Variants in FHIP1B observed in about 807,000 individuals in gnomAD.
FHIP1B encodes FHF complex subunit HOOK interacting protein 1B.
In FHIP1B, 28 loss-of-function variants were observed where a neutral mutation model predicts 82.2. The observed-to-expected ratio is 0.34, with a 90% confidence interval of 0.25 to 0.47. The LOEUF (loss-of-function observed/expected upper bound fraction) is 0.47. Among genes scored for constraint, FHIP1B ranks in the 20% least tolerant of loss-of-function variants. The pLI, the probability that FHIP1B is intolerant of heterozygous loss-of-function variation, is 1.00. For missense variants in FHIP1B, 1,110 were observed against 1,262.6 expected (o/e 0.88, Z 1.83); for synonymous variants, 585 against 516.1 (o/e 1.13, Z -1.81).
In FHIP1B at chr11:6,222,453, T is replaced by C; in HGVS notation, c.1180A>G (p.Ser394Gly). Residue 394 changes from serine to glycine, a missense_variant, in exon 6 of 12, where the codon AGT becomes GGT. Coordinates refer to ENST00000449352, the MANE Select transcript of FHIP1B (RefSeq NM_001098794.2). ...GGTAAGGGCCATACCCGGGAGTTAC[T>C]GCCAATACGAGCAACGAGGGTGTCG... ...ILDTLVARIG[S>G]NSRLCMVSLS... The C allele has an allele frequency of 6.2e-7, 1 of 1,613,882 alleles. No individual in the cohort carries two copies. The highest frequency in any genetic ancestry group is 8.5e-7 in the Non-Finnish European group (1 of 1,180,008).
intron 6 of FHIP1B, among the ~76,000 whole-genome samples, chr11:6,220,935 T>C (rs1847388514): frequency 6.6e-6 from 1 of 152,226 alleles, no homozygotes; most frequent in African/African-American, 2.4e-5. Flanking sequence ...AAATTAAAGC[T>C]TTAATACCTA....
chr11:6,223,607 A>G lies in FHIP1B; in HGVS notation c.777+3T>C, dbSNP rs903643408. On this transcript the variant is annotated splice_donor_region_variant and intron_variant, in intron 3 of 11. Coordinates refer to ENST00000449352, the MANE Select transcript of FHIP1B (RefSeq NM_001098794.2). This position sits in a 1 kb window ranked among gnomAD's most constrained non-coding sequence, Gnocchi z 4.8. Reference sequence around the variant, plus strand: ...CCTACCCTCCAAGCCAGGGGGTGCTAACCGGGCAGAAGTAAGAGTGATCCG... The same window carrying G: ...CCTACCCTCCAAGCCAGGGGGTGCTGACCGGGCAGAAGTAAGAGTGATCCG... 2 of 1,574,950 alleles carry G rather than the reference A, an allele frequency of 1.3e-6. No individual in the cohort carries two copies. The highest frequency in any genetic ancestry group is 1.7e-6 in the Non-Finnish European group (2 of 1,159,444).
intron 5 of FHIP1B, 87 bp downstream of exon 5, chr11:6,222,724 C>G (rs1847447071): frequency 6.5e-7 from 1 of 1,548,838 alleles, no homozygotes; most frequent in Admixed American, 1.7e-5. Context: ...GAGGAGTACT[C>G]TACCCACCGC....
At chr11:6,216,351 C>A (rs1399239803) in intron 9 of FHIP1B, among the ~76,000 whole-genome samples, 4 of 152,204 alleles carry the variant, frequency 2.6e-5, no homozygotes, top group Non-Finnish European at 5.9e-5. Flanking sequence ...TTGCCTTAGT[C>A]AACTTAAATC....
intron 1 of FHIP1B, among the ~76,000 whole-genome samples, chr11:6,227,123 A>G (rs2133836535): frequency 6.6e-6 from 1 of 152,376 alleles, no homozygotes; most frequent in Admixed American, 6.5e-5. Context: ...GTGCAAACAT[A>G]CAGCCTGAAC....
chr11:6,215,585 A>G (rs890776392), intron 9 of FHIP1B, among the ~76,000 whole-genome samples: 4 of 152,260 alleles, frequency 2.6e-5, no homozygotes, highest in Non-Finnish European at 4.4e-5. Flanking sequence ...ACCAGAGAAG[A>G]CATCAGTTTT....
At chr11:6,216,846 T>C (rs546768851) in intron 9 of FHIP1B, 70 of 575,542 alleles carry the variant, frequency 1.2e-4, no homozygotes, top group Non-Finnish European at 1.9e-4. Context: ...AAGTCCTTCT[T>C]TGAAGAGGTG....
rs747133289 is a variant in FHIP1B at position 6,223,068 on chromosome 11, T to C, written c.936+12A>G. On this transcript the variant is annotated intron_variant, in intron 4 of 11. Transcript: ENST00000449352. This position sits in a 1 kb window ranked among gnomAD's most constrained non-coding sequence, Gnocchi z 4.8. ...TCCCAAAAATGACCAAGGGCCAGAC[T>C]TTCAGTCCTACCTGAATTACTGCAT... The C allele has an allele frequency of 1.3e-6, 2 of 1,575,768 alleles. No individual in the cohort carries two copies. Among genetic ancestry groups the C allele is most frequent in the Non-Finnish European group, 1.7e-6 (2 of 1,162,266 alleles).
Position 6,214,859 on chromosome 11 carries a change from G to A in FHIP1B, c.2268C>T (p.Ser756=), listed in dbSNP as rs1415430037. The part of the protein sequence containing the change: ...FAKLENMLQN[S]VYVNFLLTGL... ...CCGTCAGCAGGAAGTTGACATAGAC[G>A]GAGTTCTGCAGCATGTTCTCGAGTT... is the stretch of plus-strand genomic sequence containing the variant. The change falls in exon 10 of 12, where the codon TCC becomes TCT. Residue 756 remains serine, a synonymous_variant. Coordinates refer to ENST00000449352, the MANE Select transcript of FHIP1B (RefSeq NM_001098794.2). 2.5e-6 allele frequency: 4 copies of A among 1,611,024 alleles called. No individual in the cohort carries two copies. Among genetic ancestry groups the A allele is most frequent in the East Asian group, 2.2e-5 (1 of 44,836 alleles).
At chr11:6,231,812 A>G (rs1462688928) in intron 1 of FHIP1B, among the ~76,000 whole-genome samples, 1 of 152,116 alleles carries the variant, frequency 6.6e-6, no homozygotes, top group African/African-American at 2.4e-5. Flanking sequence ...CTATTATGAT[A>G]TATTTTCACA....
At position 6,219,004 on chromosome 11, in the gene FHIP1B, C is replaced by G. The variant is rs757320813; in HGVS notation, c.1238G>C (p.Ser413Thr). Residue 413 changes from serine to threonine, a missense_variant, in exon 7 of 12, where the codon AGC (serine) becomes ACC (threonine). By Grantham distance (58) the Ser-to-Thr change is moderately conservative. This residue lies in a region of FHIP1B where 467 missense variants were observed against 602.9 expected (regional missense o/e 0.77). Coordinates refer to ENST00000449352, the MANE Select transcript of FHIP1B (RefSeq NM_001098794.2). ...CAGCTGCAGCAGGACATCCTCACAG[C>G]TGAGGTTCAGGAGGGTCCTGAAGAG... ...LSLFRTLLNL[S>T]CEDVLLQLVL... is the part of the protein sequence containing the mutation. The G allele has an allele frequency of 6.2e-7, 1 of 1,613,910 alleles. No homozygotes were observed. Among genetic ancestry groups the G allele is most frequent in the Non-Finnish European group, 8.5e-7 (1 of 1,179,930 alleles).
chr11:6,223,759 G>A lies in FHIP1B; in HGVS notation c.628C>T (p.Leu210Phe). ...GGGACAAGGCGAGAAAAGAGAAGAAGACGGGGAGCGGCTCCAGGCTCAGGA... is the reference window on the plus strand; with the variant it reads ...GGGACAAGGCGAGAAAAGAGAAGAAAACGGGGAGCGGCTCCAGGCTCAGGA... ...PPPEPGAAPR[L>F]LLFSRLVPFV... The change falls in exon 3 of 12, where the codon CTT (leucine) becomes TTT (phenylalanine). Residue 210 changes from leucine (L) to phenylalanine (F), a missense_variant. Leu to Phe is a conservative substitution (Grantham distance 22, BLOSUM62 0). Transcript: ENST00000449352. The surrounding 1 kb of genome is among the most constrained non-coding windows in gnomAD (Gnocchi z 4.8). The A allele has an allele frequency of 6.2e-7, 1 of 1,614,220 alleles. No individual in the cohort carries two copies. The highest frequency in any genetic ancestry group is 8.5e-7 in the Non-Finnish European group (1 of 1,180,030).
At chr11:6,231,907 T>A (rs1847709415) in intron 1 of FHIP1B, among the ~76,000 whole-genome samples, 1 of 152,250 alleles carries the variant, frequency 6.6e-6, no homozygotes, top group Non-Finnish European at 1.5e-5. Flanking sequence ...AGAGCTCGGA[T>A]GACCATGTTT....
chr11:6,224,224 C>T lies in FHIP1B; in HGVS notation c.163G>A (p.Gly55Ser), dbSNP rs774230662. ...GCACCCCCAGGAGCTGCCCGAGGGCCTTGCCGCTCCAGGATTCGCACCACC... is the reference window on the plus strand; with the variant it reads ...GCACCCCCAGGAGCTGCCCGAGGGCTTTGCCGCTCCAGGATTCGCACCACC... ...SQVVRILERQ[G>S]PRAAPGGADD... Residue 55 changes from glycine (G) to serine (S), a missense_variant, in exon 3 of 12, where the codon GGC (glycine) becomes AGC (serine). Transcript: ENST00000449352. 3.1e-6 allele frequency: 5 copies of T among 1,610,364 alleles called. No individual in the cohort carries two copies. Among genetic ancestry groups the T allele is most frequent in the Non-Finnish European group, 4.2e-6 (5 of 1,177,792 alleles).
Position 6,214,535 on chromosome 11 carries a change from C to T in FHIP1B, c.2433G>A (p.Ala811=), listed in dbSNP as rs1377635124. Residue 811 remains alanine (A), a synonymous_variant, in exon 11 of 12, where the codon GCG becomes GCA. Transcript: ENST00000449352. ...GTGCTGGGAAGTCCTCCTGGGAAGC[C>T]GCAAAGTTCTCAATCTTATTCTTCA... The part of the protein sequence containing the change: ...GSVKNKIENF[A]ASQEDFPALL... 5.6e-6 allele frequency: 9 copies of T among 1,613,782 alleles called. No individual in the cohort carries two copies. The East Asian group carries it at 6.7e-5, about 12-fold the overall frequency.
At chr11:6,220,172 TATCTATTATCTATGG>T (rs1847367257) in intron 6 of FHIP1B, among the ~76,000 whole-genome samples, 2 of 152,144 alleles carry the variant, frequency 1.3e-5, no homozygotes, top group South Asian at 4.1e-4. Flanking sequence ...GATCCATAGA[TATCTATTATCTATGG>T]ATGAAGGGGG....
Position 6,224,620 on chromosome 11 carries a change from A to T in FHIP1B, c.-104T>A. The T allele has an allele frequency of 3.2e-6, 4 of 1,252,298 alleles. No individual in the cohort carries two copies. The highest frequency in any genetic ancestry group is 4.4e-6 in the Non-Finnish European group (4 of 917,584). The allele number at this position is 1,252,298 out of a possible 1,614,324, so 77.6% of individuals were successfully genotyped here. On this transcript the variant is annotated 5_prime_UTR_variant, in exon 2 of 12. Coordinates refer to ENST00000449352, the MANE Select transcript of FHIP1B (RefSeq NM_001098794.2). The stretch of plus-strand genomic sequence containing the variant: ...CTCCAGTCTGCTTCATCCGGTCTGT[A>T]GGAGCCAGTAGCTGCCCATGGAGCC...
chr11:6,217,371 C>T lies in FHIP1B; in HGVS notation c.2215G>A (p.Gly739Ser). Residue 739 changes from glycine (G) to serine (S), a missense_variant and splice_region_variant, in exon 9 of 12, where the codon GGC (glycine) becomes AGC (serine). Gly to Ser is a moderately conservative substitution (Grantham distance 56, BLOSUM62 0). Transcript: ENST00000449352. ...LNQLPSQPFTGPFMAVLFAKL... is the reference protein window; with the variant it reads ...LNQLPSQPFTSPFMAVLFAKL... ...GGAAGGCCTAGGCTAAGTAGCTTAC[C>T]AGTGAAGGGCTGGCTTGGCAGCTGG... 6.2e-7 allele frequency: 1 copy of T among 1,613,820 alleles called. No individual in the cohort carries two copies. The highest frequency in any genetic ancestry group is 1.1e-5 in the South Asian group (1 of 91,082).
chr11:6,214,547 A>G lies in FHIP1B; in HGVS notation c.2421T>C (p.Ile807=). The change falls in exon 11 of 12, where the codon ATT becomes ATC. Residue 807 remains isoleucine, a synonymous_variant. Transcript: ENST00000449352. ...CCTCCTGGGAAGCCGCAAAGTTCTCAATCTTATTCTTCACAGAGCCCAGCA... is the reference window on the plus strand; with the variant it reads ...CCTCCTGGGAAGCCGCAAAGTTCTCGATCTTATTCTTCACAGAGCCCAGCA... ...LQVLGSVKNK[I]ENFAASQEDF... 6.2e-7 allele frequency: 1 copy of G among 1,613,768 alleles called. No homozygotes were observed. Among genetic ancestry groups the G allele is most frequent in the South Asian group, 1.1e-5 (1 of 91,068 alleles).
Sources: allele counts gnomAD v4.1 joint callset (sites outside exome capture counted in the v4.1 genomes callset), GRCh38; gene constraint gnomAD v4.1.1; regional missense constraint gnomAD v4.1.1; non-coding constraint Gnocchi (gnomAD v3.1); transcripts MANE v1.5; gene names NCBI Gene and HGNC (gene_info 2026-07-23, HGNC 2026-07-21).